Variants in MYO1D observed in about 807,000 individuals in gnomAD.
The protein encoded by MYO1D is myosin ID, also known as unconventional myosin-Id.
In MYO1D, 83 loss-of-function variants were observed where a neutral mutation model predicts 122.0. That is an observed-to-expected ratio of 0.68 (90% CI 0.57 to 0.82). The LOEUF (loss-of-function observed/expected upper bound fraction) is 0.82. MYO1D is among the 40% of genes least tolerant of loss of function. The probability of loss-of-function intolerance (pLI) is 0.00; values close to 1 mark genes in which losing one functional copy is unlikely to be tolerated. For synonymous variants in MYO1D, 464 were observed against 446.9 expected, an observed-to-expected ratio of 1.04 and a Z score of -0.48; for missense variants, 1,157 against 1,269.5, an observed-to-expected ratio of 0.91 and a Z score of 1.35.
chr17:32,554,011 T>C (rs1256542800), intron 21 of MYO1D, among the ~76,000 whole-genome samples: 3 of 152,204 alleles, frequency 2.0e-5, no homozygotes, highest in African/African-American at 7.2e-5. Context: ...CCTCCCATAG[T>C]TGTTATGGTC....
rs57125657 is a variant in MYO1D, at chr17:32,686,964, A to AACACACAC, written c.2121+25016_2121+25023dup. On this transcript the variant is annotated intron_variant, in intron 16 of 21. Transcript: ENST00000318217. ...TGATAAGAGTGAGATCCTGTTTCAA[A>AACACACAC]ACACACACACACACACACACACACA... Among the ~76,000 whole-genome samples, 694 of 145,496 alleles carry AACACACAC rather than the reference A, an allele frequency of 4.8e-3. 4 individuals are homozygous for AACACACAC. The highest frequency in any genetic ancestry group is 0.021 in the Middle Eastern group (6 of 284).
intron 14 of MYO1D, among the ~76,000 whole-genome samples, chr17:32,735,651 C>A (rs917775031): frequency 1.3e-5 from 2 of 152,010 alleles, no homozygotes; most frequent in African/African-American, 4.8e-5. Flanking sequence ...TTAAAATCTC[C>A]CACTATGATG....
intron 1 of MYO1D, among the ~76,000 whole-genome samples, chr17:32,830,815 T>C (rs1343177392): frequency 6.6e-6 from 1 of 152,196 alleles, no homozygotes; most frequent in Admixed American, 6.5e-5. Context: ...ATCCCAGCAC[T>C]TTGGGAGATC....
At chr17:32,571,999 C>A (rs1260639350) in intron 21 of MYO1D, among the ~76,000 whole-genome samples, 1 of 152,152 alleles carries the variant, frequency 6.6e-6, no homozygotes, top group East Asian at 1.9e-4. Context: ...AAATTATCAA[C>A]TTGATATATA....
intron 21 of MYO1D, chr17:32,523,300 T>C (rs1438876812): frequency 6.6e-6 from 1 of 152,166 alleles, no homozygotes; most frequent in Admixed American, 6.5e-5. Context: ...AGGGGTGGGC[T>C]TTGGCTCTGA....
intron 20 of MYO1D, among the ~76,000 whole-genome samples, chr17:32,637,731 T>C (rs2088124747): frequency 6.6e-6 from 1 of 152,060 alleles, no homozygotes; most frequent in Non-Finnish European, 1.5e-5. Context: ...TGCAATCTAT[T>C]GGCCTTTCTA....
At chr17:32,635,193 C>A (rs1464655425) in intron 20 of MYO1D, among the ~76,000 whole-genome samples, 1 of 152,130 alleles carries the variant, frequency 6.6e-6, no homozygotes, top group Non-Finnish European at 1.5e-5. Context: ...AAAGCTGACC[C>A]ATGCTGTCTA....
chr17:32,636,804 C>G (rs997583447), intron 20 of MYO1D, among the ~76,000 whole-genome samples: 1 of 152,212 alleles, frequency 6.6e-6, no homozygotes, highest in Non-Finnish European at 1.5e-5. Context: ...ACTTCCAGCC[C>G]TCTGTGAGTA....
intron 16 of MYO1D, among the ~76,000 whole-genome samples, chr17:32,665,023 A>T (rs1229635294): frequency 2.6e-5 from 4 of 151,954 alleles, no homozygotes; most frequent in Admixed American, 2.6e-4. Flanking sequence ...GACCCTACAC[A>T]GGCCAGGCAT....
chr17:32,584,813 T>C (rs1284126253), intron 21 of MYO1D, among the ~76,000 whole-genome samples: 4 of 152,166 alleles, frequency 2.6e-5, no homozygotes, highest in African/African-American at 9.7e-5. Context: ...CAAAAAGAAA[T>C]ACATATTTTA....
In MYO1D at chr17:32,745,251, C is replaced by G; in HGVS notation, c.1573G>C (p.Asp525His). 1 of 1,547,770 alleles carries G rather than the reference C, an allele frequency of 6.5e-7. No individual in the cohort carries two copies. Among genetic ancestry groups the G allele is most frequent in the East Asian group, 2.3e-5 (1 of 44,350 alleles). ...CGCTTGAAATCTTGAAATAAAGTAT[C>G]TTTATTTTTGTCAATAAAACCAATG... ...SVIGFIDKNKDTLFQDFKRLM... is the reference protein window; with the variant it reads ...SVIGFIDKNKHTLFQDFKRLM... Residue 525 changes from aspartate (D) to histidine (H), a missense_variant, in exon 13 of 22, where the codon GAT (aspartate) becomes CAT (histidine). Asp to His is a moderately conservative substitution (Grantham distance 81). Coordinates refer to ENST00000318217, the MANE Select transcript of MYO1D (RefSeq NM_015194.3).
chr17:32,524,358 C>A (rs544285061), intron 21 of MYO1D, among the ~76,000 whole-genome samples: 1 of 152,042 alleles, frequency 6.6e-6, no homozygotes. Flanking sequence ...CAAGCTCAGG[C>A]GTAGGATGGA....
At chr17:32,662,130 T>C (rs570037722) in intron 16 of MYO1D, among the ~76,000 whole-genome samples, 2 of 152,340 alleles carry the variant, frequency 1.3e-5, no homozygotes, top group Non-Finnish European at 2.9e-5. Flanking sequence ...CTGTATCCAC[T>C]GAACAGTTCC....
At position 32,784,080 on chromosome 17, in the gene MYO1D, T is replaced by C. The variant is rs144395253; in HGVS notation, c.96-3296A>G. Among the ~76,000 whole-genome samples, 57 of 152,284 alleles carry C rather than the reference T, an allele frequency of 3.7e-4. No homozygotes were observed. The East Asian group carries it at 8.9e-3, about 24-fold the overall frequency. On this transcript the variant is annotated intron_variant, in intron 1 of 21. Transcript: ENST00000318217. The stretch of plus-strand genomic sequence containing the variant: ...AAAGCATGTACTGTAGTGACAAAGA[T>C]TATCCCAATAAACCACCTTCAGTGA...
At chr17:32,743,167 T>A (rs1290921334) in intron 13 of MYO1D, among the ~76,000 whole-genome samples, 1 of 152,220 alleles carries the variant, frequency 6.6e-6, no homozygotes, top group African/African-American at 2.4e-5. Flanking sequence ...CATGTTACAG[T>A]GTCTCAGGAA....
intron 21 of MYO1D, chr17:32,497,656 T>C (rs990583912): frequency 4.6e-5 from 7 of 151,824 alleles, no homozygotes; most frequent in Non-Finnish European, 1.0e-4. Flanking sequence ...CCTCAGGGAG[T>C]GTCCAGCAGA....
chr17:32,826,048 T>A (rs1339706214), intron 1 of MYO1D, among the ~76,000 whole-genome samples: 1 of 119,492 alleles, frequency 8.4e-6, no homozygotes, highest in Non-Finnish European at 1.7e-5. Flanking sequence ...AACTCCATCT[T>A]AAAAAAAAAA....
intron 21 of MYO1D, among the ~76,000 whole-genome samples, chr17:32,560,669 G>C (rs1472178097): frequency 1.3e-5 from 2 of 148,844 alleles, no homozygotes; most frequent in South Asian, 2.1e-4. Flanking sequence ...ACCCAGCCTG[G>C]AGGGCAGTTG....
chr17:32,636,344 GTTCT>G (rs1054531108), intron 20 of MYO1D, among the ~76,000 whole-genome samples: 3 of 152,088 alleles, frequency 2.0e-5, no homozygotes, highest in Admixed American at 1.3e-4. Flanking sequence ...TTTTAAAAAG[GTTCT>G]TTATCTTAAA....
Sources: gnomAD v4.1 joint callset for allele counts (sites outside exome capture counted in the v4.1 genomes callset) on GRCh38, gnomAD v4.1.1 for gene constraint, MANE v1.5 for transcripts, NCBI Gene and HGNC (gene_info 2026-07-23, HGNC 2026-07-21) for gene names.